CSGALNACT1: variants seen among roughly 807,000 people sequenced by gnomAD.
CSGALNACT1 encodes the protein chondroitin sulfate N-acetylgalactosaminyltransferase 1.
Under a neutral mutation model 51.0 loss-of-function variants are expected in CSGALNACT1, and 52 were observed. The ratio of observed to expected loss-of-function variants is 1.02; its 90% CI spans 0.82 to 1.29. CSGALNACT1 has a LOEUF of 1.29. Ranked by LOEUF, CSGALNACT1 falls within the 50% of genes most tolerant of loss-of-function variation. The probability of loss-of-function intolerance (pLI) is 0.00; values close to 1 mark genes in which losing one functional copy is unlikely to be tolerated. For missense variants in CSGALNACT1, 935 were observed against 679.2 expected (o/e 1.38, Z -4.19); for synonymous variants, 341 against 254.4 (o/e 1.34, Z -3.24).
chr8:19,534,128 T>C (rs2083301775), intron 3 of CSGALNACT1, among the ~76,000 whole-genome samples: 1 of 152,178 alleles, frequency 6.6e-6, no homozygotes, highest in African/African-American at 2.4e-5. Context: ...ATACTTGATG[T>C]TAGCAAGTTC....
chr8:19,515,905 C>T (rs373635184), intron 3 of CSGALNACT1, among the ~76,000 whole-genome samples: 39 of 152,126 alleles, frequency 2.6e-4, no homozygotes, highest in African/African-American at 9.4e-4. Flanking sequence ...GCAATGAGGG[C>T]AGGACACTGG....
At chr8:19,485,853 G>A (rs1200628374) in intron 4 of CSGALNACT1, among the ~76,000 whole-genome samples, 2 of 130,474 alleles carry the variant, frequency 1.5e-5, no homozygotes, top group Admixed American at 9.8e-5. Context: ...CACAACCTCT[G>A]CCTACCAGGT....
chr8:19,548,007 G>C (rs759450619), intron 3 of CSGALNACT1, among the ~76,000 whole-genome samples: 5 of 152,174 alleles, frequency 3.3e-5, no homozygotes, highest in Non-Finnish European at 5.9e-5. Flanking sequence ...TGATTCATAC[G>C]AGTGATGTAA....
Position 19,568,851 on chromosome 8 carries a change from T to C in CSGALNACT1, c.-297+22309A>G, listed in dbSNP as rs921764749. Among the ~76,000 whole-genome samples, 3 of 152,206 alleles carry C rather than the reference T, an allele frequency of 2.0e-5. 1 individual carries two copies. The South Asian group carries it at 6.2e-4, about 31-fold the overall frequency. ...TAGGTAGAATAGACAGCTTTTTATA[T>C]GGGGATATTTATCAAGACTTCCTTT... On this transcript the variant is annotated intron_variant, in intron 3 of 9. Coordinates refer to ENST00000454498, the Ensembl canonical transcript of CSGALNACT1.
At chr8:19,720,162 T>C (rs2063037143) in intron 1 of CSGALNACT1, among the ~76,000 whole-genome samples, 1 of 152,214 alleles carries the variant, frequency 6.6e-6, no homozygotes. Context: ...CCACTACCCC[T>C]GTCCTTCTCC....
chr8:19,682,625 T>G (rs73216629), upstream of CSGALNACT1: 12,447 of 453,892 alleles, frequency 0.027, 296 homozygotes, highest in South Asian at 0.053. Context: ...GCCCAAAGAT[T>G]GTGTAAAATA....
chr8:19,632,931 CTTTTTTT>C (rs747351529), intron 1 of CSGALNACT1, among the ~76,000 whole-genome samples: 1 of 138,292 alleles, frequency 7.2e-6, no homozygotes, highest in Non-Finnish European at 1.6e-5. Flanking sequence ...ATTTTTTTTT[CTTTTTTT>C]TTTTTTTTTG....
intron 4 of CSGALNACT1, among the ~76,000 whole-genome samples, chr8:19,476,908 G>C (rs986103662): frequency 6.6e-6 from 1 of 152,132 alleles, no homozygotes; most frequent in African/African-American, 2.4e-5. Context: ...TTCCCATGAG[G>C]CCTTCCCATG....
intron 3 of CSGALNACT1, among the ~76,000 whole-genome samples, chr8:19,551,645 C>T (rs975585350): frequency 2.0e-5 from 3 of 152,162 alleles, no homozygotes; most frequent in Non-Finnish European, 4.4e-5. Context: ...GTTCTGACCA[C>T]CAATCAATCT....
At chr8:19,568,560 T>C (rs1235061740) in intron 3 of CSGALNACT1, among the ~76,000 whole-genome samples, 1 of 152,204 alleles carries the variant, frequency 6.6e-6, no homozygotes, top group Non-Finnish European at 1.5e-5. Context: ...CTCAGTACTA[T>C]ATTAACTGTG....
chr8:19,705,037 G>A (rs532055920), intron 1 of CSGALNACT1, among the ~76,000 whole-genome samples: 47 of 152,248 alleles, frequency 3.1e-4, no homozygotes, highest in South Asian at 8.3e-4. Flanking sequence ...GTTAATACAC[G>A]TATTGCCCAC....
At chr8:19,527,704 C>T (rs1232809511) in intron 3 of CSGALNACT1, among the ~76,000 whole-genome samples, 1 of 152,156 alleles carries the variant, frequency 6.6e-6, no homozygotes, top group Non-Finnish European at 1.5e-5. Context: ...GCAGGCAGGT[C>T]AGCATAGCTG....
chr8:19,737,889 T>G (rs902109960), intron 1 of CSGALNACT1, among the ~76,000 whole-genome samples: 2 of 152,154 alleles, frequency 1.3e-5, no homozygotes, highest in African/African-American at 4.8e-5. Flanking sequence ...GGCTAGGAGA[T>G]GGATAAACAC....
intron 1 of CSGALNACT1, among the ~76,000 whole-genome samples, chr8:19,721,639 C>T (rs1363250733): frequency 6.6e-6 from 1 of 152,184 alleles, no homozygotes; most frequent in East Asian, 1.9e-4. Flanking sequence ...ATACCACATT[C>T]CATGACAAAC....
chr8:19,605,563 G>A (rs1348530073), upstream of CSGALNACT1, among the ~76,000 whole-genome samples: 1 of 152,200 alleles, frequency 6.6e-6, no homozygotes, highest in Non-Finnish European at 1.5e-5. Context: ...GATTCCGAGT[G>A]AGCATTATGG....
chr8:19,500,378 G>C (rs947363140), intron 4 of CSGALNACT1, among the ~76,000 whole-genome samples: 1 of 152,088 alleles, frequency 6.6e-6, no homozygotes, highest in Admixed American at 6.6e-5. Flanking sequence ...CCTTATTTCT[G>C]CACCAAGATG....
intron 1 of CSGALNACT1, among the ~76,000 whole-genome samples, chr8:19,689,404 C>T (rs2061164050): frequency 1.3e-5 from 2 of 152,148 alleles, no homozygotes; most frequent in South Asian, 2.1e-4. Context: ...TTCTCCAGCC[C>T]CCTGAACGGT....
At chr8:19,696,117 C>T (rs559910346) in intron 1 of CSGALNACT1, among the ~76,000 whole-genome samples, 10 of 152,280 alleles carry the variant, frequency 6.6e-5, no homozygotes, top group Admixed American at 1.3e-4. Flanking sequence ...GGAATGCTTA[C>T]GGCTATGGCT....
chr8:19,749,761 G>C (rs2064914218), intron 1 of CSGALNACT1, among the ~76,000 whole-genome samples: 1 of 152,154 alleles, frequency 6.6e-6, no homozygotes, highest in South Asian at 2.1e-4. Context: ...GTCAGGGAGA[G>C]GCTCATTTCT....
Sources: allele counts gnomAD v4.1 joint callset (sites outside exome capture counted in the v4.1 genomes callset), GRCh38; gene constraint gnomAD v4.1.1; transcripts MANE v1.5; gene names NCBI Gene and HGNC (gene_info 2026-07-23, HGNC 2026-07-21).